Variants in PTPRD observed in about 807,000 individuals in gnomAD.
PTPRD encodes the protein receptor-type tyrosine-protein phosphatase delta.
Under a neutral mutation model 214.5 loss-of-function variants are expected in PTPRD, and 34 were observed. The observed-to-expected ratio is 0.16, with a 90% CI of 0.12 to 0.21. The LOEUF (loss-of-function observed/expected upper bound fraction) is 0.21. Ranked by LOEUF, PTPRD falls within the 10% of genes least tolerant of loss-of-function variation. The pLI, the probability that PTPRD is intolerant of heterozygous loss-of-function variation, is 1.00. For synonymous variants in PTPRD, 1,128 were observed against 845.7 expected, an observed-to-expected ratio of 1.33 and a Z score of -5.79; for missense variants, 2,545 against 2,398.7, an observed-to-expected ratio of 1.06 and a Z score of -1.27.
chr9:9,888,898 T>C (rs1238109829), intron 5 of PTPRD, among the ~76,000 whole-genome samples: 11 of 152,150 alleles, frequency 7.2e-5, no homozygotes, highest in African/African-American at 2.7e-4. Context: ...TTGCAGTACC[T>C]CTTTTTATGA....
In PTPRD at chr9:9,701,597, G is replaced by T. The variant is rs1009509843; in HGVS notation, c.-287+32936C>A. 5.3e-5 allele frequency among the ~76,000 whole-genome samples: 8 copies of T among 152,224 alleles called. No homozygotes were observed. The South Asian group carries it at 1.2e-3, about 24-fold the overall frequency. ...AAGCCACAAAGTCTTCTGAATGGTA[G>T]AGGTGGGGATGGCAAATGGGAGATA... On this transcript the variant is annotated intron_variant, in intron 7 of 45. Transcript: ENST00000381196.
intron 5 of PTPRD, among the ~76,000 whole-genome samples, chr9:9,793,720 A>G (rs1313208837): frequency 6.6e-6 from 1 of 152,138 alleles, no homozygotes; most frequent in East Asian, 1.9e-4. Context: ...AAAAAATGTA[A>G]TGGTAAAAAG....
chr9:9,495,898 C>A (rs973509022), intron 8 of PTPRD, among the ~76,000 whole-genome samples: 1 of 152,192 alleles, frequency 6.6e-6, no homozygotes. Context: ...ATGAAACCAA[C>A]AGAACACTGT....
At chr9:9,967,632 G>A (rs906889392) in intron 4 of PTPRD, among the ~76,000 whole-genome samples, 2 of 152,124 alleles carry the variant, frequency 1.3e-5, no homozygotes, top group African/African-American at 4.8e-5. Context: ...CTTTCCTGAA[G>A]TCATAGAGAA....
intron 2 of PTPRD, among the ~76,000 whole-genome samples, chr9:10,564,505 G>A (rs1185055511): frequency 1.3e-5 from 2 of 151,768 alleles, no homozygotes; most frequent in Non-Finnish European, 2.9e-5. Context: ...CCTGGAAGTG[G>A]CCATATTAGC....
chr9:9,829,619 G>A (rs988195567), intron 5 of PTPRD, among the ~76,000 whole-genome samples: 28 of 151,938 alleles, frequency 1.8e-4, no homozygotes, highest in African/African-American at 6.7e-4. Context: ...AATGTGACAT[G>A]TTTTTCCATA....
At chr9:9,418,337 T>A (rs968884526) in intron 8 of PTPRD, among the ~76,000 whole-genome samples, 1 of 152,008 alleles carries the variant, frequency 6.6e-6, no homozygotes, top group Non-Finnish European at 1.5e-5. Context: ...AGCCCAGAGT[T>A]AGCCATGTGG....
intron 44 of PTPRD, among the ~76,000 whole-genome samples, chr9:8,321,470 T>C (rs1338605102): frequency 2.0e-5 from 1 of 51,034 alleles, no homozygotes; most frequent in Non-Finnish European, 3.3e-5. Flanking sequence ...TTTGTGTGTG[T>C]GTGTGTGTGT....
intron 10 of PTPRD, among the ~76,000 whole-genome samples, chr9:9,164,595 C>A (rs2099897910): frequency 6.7e-6 from 1 of 150,084 alleles, no homozygotes; most frequent in Admixed American, 6.6e-5. Flanking sequence ...TATTACAGAG[C>A]ATAAAATCTT....
At chr9:10,160,281 CT>C (rs1277979550) in intron 3 of PTPRD, among the ~76,000 whole-genome samples, 1 of 152,028 alleles carries the variant, frequency 6.6e-6, no homozygotes, top group Non-Finnish European at 1.5e-5. Context: ...CACATATAAT[CT>C]GACAAGTTTG....
chr9:10,264,516 T>C (rs781689564), intron 3 of PTPRD, among the ~76,000 whole-genome samples: 6 of 152,196 alleles, frequency 3.9e-5, no homozygotes, highest in African/African-American at 7.2e-5. Context: ...ATGGGGCCTT[T>C]AGTCCCTTTG....
chr9:9,472,365 G>A (rs952927960), intron 8 of PTPRD, among the ~76,000 whole-genome samples: 7 of 151,456 alleles, frequency 4.6e-5, no homozygotes, highest in African/African-American at 1.7e-4. Context: ...CACCGCGCCC[G>A]GCTAATTTTT....
At chr9:9,828,521 G>A (rs1346716828) in intron 5 of PTPRD, among the ~76,000 whole-genome samples, 1 of 152,002 alleles carries the variant, frequency 6.6e-6, no homozygotes, top group East Asian at 1.9e-4. Flanking sequence ...GGAGAGGGGA[G>A]GGATAGCATT....
chr9:8,675,371 T>C (rs1267477924), intron 12 of PTPRD, among the ~76,000 whole-genome samples: 2 of 151,948 alleles, frequency 1.3e-5, no homozygotes, highest in Non-Finnish European at 2.9e-5. Context: ...ATGTTGACTA[T>C]TACAGATTCA....
rs1197335722 is a variant in PTPRD, at chr9:9,183,301, C to A, written c.-143+3G>T. 1 of 151,970 alleles carries A rather than the reference C, an allele frequency of 6.6e-6. No individual in the cohort carries two copies. The highest frequency in any genetic ancestry group is 2.4e-5 in the African/African-American group (1 of 41,406). 9.4% of individuals were successfully genotyped at this position (151,970 alleles called of 1,614,324 possible). A position where few individuals can be genotyped will look rare whatever the true frequency, so the allele number is the denominator to read the frequency against. Reference sequence around the variant, plus strand: ...AAGGGTTAAAATGTGGTTGTGGACTCACCTTGAGTTAGCCACCGTCGGTGT... The same window carrying A: ...AAGGGTTAAAATGTGGTTGTGGACTAACCTTGAGTTAGCCACCGTCGGTGT... On this transcript the variant is annotated splice_donor_region_variant and intron_variant, in intron 10 of 45. Coordinates refer to ENST00000381196, the MANE Select transcript of PTPRD (RefSeq NM_002839.4).
intron 9 of PTPRD, among the ~76,000 whole-genome samples, chr9:9,393,665 A>C (rs1386080362): frequency 6.6e-6 from 1 of 152,134 alleles, no homozygotes; most frequent in East Asian, 1.9e-4. Flanking sequence ...AGTTGGGTTA[A>C]ATTCAGCCTC....
In PTPRD at chr9:9,675,147, A is replaced by T. The variant is rs530204132; in HGVS notation, c.-287+59386T>A. Among the ~76,000 whole-genome samples, 7 of 152,046 alleles carry T rather than the reference A, an allele frequency of 4.6e-5. No homozygotes were observed. In the East Asian group the frequency reaches 1.4e-3, roughly 29 times the overall value. On this transcript the variant is annotated intron_variant, in intron 7 of 45. Transcript: ENST00000381196. ...GCAATTACATTCAAAGTCAATTATG[A>T]AAGAGAAACAAACAATCTGTATACG...
At chr9:9,649,273 G>C (rs2096273950) in intron 7 of PTPRD, among the ~76,000 whole-genome samples, 1 of 152,086 alleles carries the variant, frequency 6.6e-6, no homozygotes, top group African/African-American at 2.4e-5. Flanking sequence ...TGCCAAAACT[G>C]CCTCTAGAAC....
At chr9:8,540,576 A>AT (rs2078150577) in intron 14 of PTPRD, among the ~76,000 whole-genome samples, 1 of 152,212 alleles carries the variant, frequency 6.6e-6, no homozygotes, top group African/African-American at 2.4e-5. Context: ...TCTGATAAAA[A>AT]TTTAAGATAG....
Sources: allele counts gnomAD v4.1 joint callset (sites outside exome capture counted in the v4.1 genomes callset), GRCh38; gene constraint gnomAD v4.1.1; transcripts MANE v1.5; gene names NCBI Gene and HGNC (gene_info 2026-07-23, HGNC 2026-07-21).